HEMK2: variants seen among roughly 807,000 people sequenced by gnomAD.
HEMK2 encodes the protein methyltransferase HEMK2.
chr21:28,706,634 T>C, the HEMK2 span, among the ~76,000 whole-genome samples: 8 of 152,218 alleles, frequency 5.3e-5, no homozygotes, highest in African/African-American at 1.9e-4. Context: ...ATTAAATGAC[T>C]TTTCCTGATT....
chr21:28,614,973 G>C, the HEMK2 span, among the ~76,000 whole-genome samples: 1 of 152,016 alleles, frequency 6.6e-6, no homozygotes, highest in South Asian at 2.1e-4. Context: ...ATCTCTGAAC[G>C]TTTCTCTGGA....
chr21:28,759,794 A>G, the HEMK2 span, among the ~76,000 whole-genome samples: 1 of 152,154 alleles, frequency 6.6e-6, no homozygotes, highest in East Asian at 1.9e-4. Context: ...GCCACCATGT[A>G]GGACATGCCT....
At chr21:28,842,874 T>C in the HEMK2 span, among the ~76,000 whole-genome samples, 301 of 152,138 alleles carry the variant, frequency 2.0e-3, 3 homozygotes, top group African/African-American at 7.0e-3. Context: ...TTGCCTAACT[T>C]TGGAGATGGA....
chr21:28,655,582 G>C, the HEMK2 span, among the ~76,000 whole-genome samples: 1 of 151,980 alleles, frequency 6.6e-6, no homozygotes, highest in Non-Finnish European at 1.5e-5. Flanking sequence ...TAGTAGCCCA[G>C]GTATTTAAAC....
At chr21:28,628,318 TG>T in the HEMK2 span, among the ~76,000 whole-genome samples, 3 of 152,296 alleles carry the variant, frequency 2.0e-5, no homozygotes, top group Admixed American at 2.0e-4. Flanking sequence ...TTATAAAGAC[TG>T]GATATGGTTT....
At chr21:28,829,755 A>G in the HEMK2 span, among the ~76,000 whole-genome samples, 2 of 152,234 alleles carry the variant, frequency 1.3e-5, no homozygotes, top group South Asian at 2.1e-4. Flanking sequence ...TATTTTCCCT[A>G]GACCAATTAG....
At chr21:28,703,783 T>C in the HEMK2 span, among the ~76,000 whole-genome samples, 292 of 152,330 alleles carry the variant, frequency 1.9e-3, 1 homozygote, top group African/African-American at 6.5e-3. Context: ...TAGAAGTACA[T>C]TCGTCCCGTG....
chr21:28,605,886 T>C, the HEMK2 span, among the ~76,000 whole-genome samples: 1 of 152,204 alleles, frequency 6.6e-6, no homozygotes, highest in Non-Finnish European at 1.5e-5. Flanking sequence ...TTATAACAAT[T>C]ATGTTCCATT....
At chr21:28,739,437 A>G in the HEMK2 span, among the ~76,000 whole-genome samples, 3 of 152,242 alleles carry the variant, frequency 2.0e-5, no homozygotes, top group Non-Finnish European at 4.4e-5. Flanking sequence ...AGATAAAAAT[A>G]GACAGAATTA....
At chr21:28,860,213 A>G in the HEMK2 span, among the ~76,000 whole-genome samples, 14 of 152,144 alleles carry the variant, frequency 9.2e-5, no homozygotes, top group Non-Finnish European at 1.9e-4. Flanking sequence ...GGCACAATCT[A>G]CTCAGCTCCC....
chr21:28,734,193 A>G, the HEMK2 span, among the ~76,000 whole-genome samples: 1 of 152,206 alleles, frequency 6.6e-6, no homozygotes, highest in Admixed American at 6.5e-5. Context: ...AGTAGACAGT[A>G]GCCCCCCGAA....
At chr21:28,841,221 TTA>T in the HEMK2 span, among the ~76,000 whole-genome samples, 5 of 9,910 alleles carry the variant, frequency 5.0e-4, 1 homozygote, top group African/African-American at 3.0e-3. Context: ...ATTATATATA[TTA>T]TATATTATAT....
At chr21:28,678,438 G>T in the HEMK2 span, among the ~76,000 whole-genome samples, 1 of 152,108 alleles carries the variant, frequency 6.6e-6, no homozygotes, top group East Asian at 1.9e-4. Flanking sequence ...TGAAACTGAC[G>T]GGGAGAATGG....
chr21:28,831,455 A>AAAGAAAGAAAGAAAGAAAAG, the HEMK2 span, among the ~76,000 whole-genome samples: 13 of 56,966 alleles, frequency 2.3e-4, 1 homozygote, highest in South Asian at 5.7e-4. Context: ...AAAAAGAAAG[A>AAAGAAAGAAAGAAAGAAAAG]AAAGAACGAA....
At chr21:28,600,580 C>G in the HEMK2 span, among the ~76,000 whole-genome samples, 1 of 152,222 alleles carries the variant, frequency 6.6e-6, no homozygotes, top group African/African-American at 2.4e-5. Flanking sequence ...ACATTTCTCC[C>G]ACTGTCCTGG....
chr21:28,678,107 G>A, the HEMK2 span, among the ~76,000 whole-genome samples: 3 of 151,758 alleles, frequency 2.0e-5, no homozygotes, highest in Admixed American at 6.6e-5. Context: ...GAGCTAAAGG[G>A]GGAAGTTTGA....
chr21:28,690,407 G>T, the HEMK2 span, among the ~76,000 whole-genome samples: 1 of 152,174 alleles, frequency 6.6e-6, no homozygotes, highest in Non-Finnish European at 1.5e-5. Context: ...GAGCCCAGCT[G>T]ACCAGCAATG....
chr21:28,667,433 G>A, the HEMK2 span, among the ~76,000 whole-genome samples: 1 of 152,096 alleles, frequency 6.6e-6, no homozygotes, highest in Non-Finnish European at 1.5e-5. Flanking sequence ...GAATAAAGAA[G>A]CAAATATTGC....
At chr21:28,782,302 A>T in the HEMK2 span, among the ~76,000 whole-genome samples, 31 of 152,342 alleles carry the variant, frequency 2.0e-4, no homozygotes, top group African/African-American at 7.0e-4. Flanking sequence ...TATTAGGAAA[A>T]TATATTGTGC....
Sources: gnomAD v4.1 joint callset for allele counts (sites outside exome capture counted in the v4.1 genomes callset) on GRCh38, gnomAD v4.1.1 for gene constraint, MANE v1.5 for transcripts, NCBI Gene and HGNC (gene_info 2026-07-23, HGNC 2026-07-21) for gene names.